ZFPM2: variants seen among roughly 807,000 people sequenced by gnomAD.
ZFPM2 encodes zinc finger protein, FOG family member 2.
In ZFPM2, 20 loss-of-function variants were observed where a neutral mutation model predicts 98.6. That is an observed-to-expected ratio of 0.20 (90% CI 0.14 to 0.29). The LOEUF (loss-of-function observed/expected upper bound fraction) is 0.29. Among genes scored for constraint, ZFPM2 ranks in the 10% least tolerant of loss-of-function variants. The pLI, the probability that ZFPM2 is intolerant of heterozygous loss-of-function variation, is 1.00. For missense variants in ZFPM2, 1,310 were observed against 1,388.6 expected, an observed-to-expected ratio of 0.94 and a Z score of 0.90; for synonymous variants, 518 against 502.7, an observed-to-expected ratio of 1.03 and a Z score of -0.41.
intron 6 of ZFPM2, chr8:105,796,664 A>G (rs1813827338): frequency 6.6e-6 from 1 of 152,150 alleles, no homozygotes; most frequent in South Asian, 2.1e-4. Flanking sequence ...CATGGGCTCC[A>G]CCAACAACCA....
At chr8:105,333,296 G>A (rs1257090250) in intron 1 of ZFPM2, among the ~76,000 whole-genome samples, 1 of 151,696 alleles carries the variant, frequency 6.6e-6, no homozygotes, top group African/African-American at 2.4e-5. Context: ...AGTGCTTTCA[G>A]TAGTTTAGTA....
At chr8:105,378,088 A>C (rs1368203642) in intron 1 of ZFPM2, among the ~76,000 whole-genome samples, 2 of 152,202 alleles carry the variant, frequency 1.3e-5, no homozygotes, top group Non-Finnish European at 2.9e-5. Flanking sequence ...TAATTAAAAA[A>C]GTATTGCTAT....
At chr8:105,698,837 C>G (rs1180350453) in intron 5 of ZFPM2, among the ~76,000 whole-genome samples, 1 of 152,166 alleles carries the variant, frequency 6.6e-6, no homozygotes, top group Non-Finnish European at 1.5e-5. Flanking sequence ...TACCTGCATA[C>G]TGATATTTTG....
At chr8:105,478,702 G>A (rs1376155913) in intron 3 of ZFPM2, among the ~76,000 whole-genome samples, 1 of 152,188 alleles carries the variant, frequency 6.6e-6, no homozygotes, top group Non-Finnish European at 1.5e-5. Flanking sequence ...TCTCTTCTCT[G>A]TAAATATTAA....
intron 4 of ZFPM2, among the ~76,000 whole-genome samples, chr8:105,611,558 G>A (rs1348718390): frequency 1.3e-5 from 2 of 152,012 alleles, no homozygotes; most frequent in Non-Finnish European, 2.9e-5. Flanking sequence ...CAAGGATCAG[G>A]GACAACAGTT....
At chr8:105,639,279 G>C (rs1469522244) in intron 5 of ZFPM2, among the ~76,000 whole-genome samples, 3 of 151,914 alleles carry the variant, frequency 2.0e-5, no homozygotes, top group African/African-American at 7.2e-5. Flanking sequence ...ACGTTTTGAG[G>C]ATATTTAAAA....
At chr8:105,772,246 G>T (rs1292969959) in intron 5 of ZFPM2, among the ~76,000 whole-genome samples, 1 of 152,154 alleles carries the variant, frequency 6.6e-6, no homozygotes, top group African/African-American at 2.4e-5. Flanking sequence ...TTTGTAATAT[G>T]CAAGGCAGAG....
chr8:105,549,905 C>A (rs1438775540), intron 3 of ZFPM2, among the ~76,000 whole-genome samples: 2 of 151,824 alleles, frequency 1.3e-5, no homozygotes, highest in East Asian at 3.9e-4. Context: ...TGAGCCATTG[C>A]ACCCAGCCTA....
At chr8:105,420,346 TAA>T (rs1811768090) in intron 2 of ZFPM2, among the ~76,000 whole-genome samples, 2 of 152,160 alleles carry the variant, frequency 1.3e-5, no homozygotes, top group Non-Finnish European at 2.9e-5. Context: ...ATTTAATCAT[TAA>T]AAGTTCCAGT....
chr8:105,798,449 CAAAAAATAAA>C (rs537923845), intron 6 of ZFPM2: 8 of 297,442 alleles, frequency 2.7e-5, no homozygotes, highest in African/African-American at 1.1e-4. Flanking sequence ...GAATCTGTCG[CAAAAAATAAA>C]ATAAAATAAA....
chr8:105,630,010 G>T (rs1015315896), intron 4 of ZFPM2, among the ~76,000 whole-genome samples: 30 of 152,152 alleles, frequency 2.0e-4, no homozygotes, highest in African/African-American at 6.5e-4. Context: ...ATATGCACAG[G>T]TTCCAGGGGT....
At position 105,497,998 on chromosome 8, in the gene ZFPM2, C is replaced by T. The variant is rs998339606; in HGVS notation, c.301+53617C>T. ...GCTAGGAGTTCAGGTCTAACCTGGG[C>T]AACATAGGGAGGCCCTCCCCGTCTC... On this transcript the variant is annotated intron_variant, in intron 3 of 7. Transcript: ENST00000407775. Among the ~76,000 whole-genome samples the T allele has an allele frequency of 1.4e-4, 15 of 109,472 alleles. 1 individual carries two copies. The highest frequency in any genetic ancestry group is 5.1e-4 in the African/African-American group (14 of 27,428). 71.8% of individuals were successfully genotyped at this position (109,472 alleles called of 152,430 possible). A position where few individuals can be genotyped will look rare whatever the true frequency, so the allele number is the denominator to read the frequency against.
chr8:105,472,470 C>T (rs1174457490), intron 3 of ZFPM2, among the ~76,000 whole-genome samples: 1 of 152,132 alleles, frequency 6.6e-6, no homozygotes. Context: ...TCACTGACCT[C>T]TGACTTCTGA....
chr8:105,350,908 C>T (rs1264764606), intron 1 of ZFPM2, among the ~76,000 whole-genome samples: 14 of 151,644 alleles, frequency 9.2e-5, no homozygotes, highest in East Asian at 1.9e-4. Context: ...ATGGGCTGGG[C>T]GTGGTGGCTC....
At chr8:105,403,041 C>G (rs2129990937) in intron 1 of ZFPM2, among the ~76,000 whole-genome samples, 1 of 151,830 alleles carries the variant, frequency 6.6e-6, no homozygotes, top group Middle Eastern at 3.4e-3. Context: ...TGGTAGAGTG[C>G]TAGTTTTGAG....
intron 4 of ZFPM2, among the ~76,000 whole-genome samples, chr8:105,607,963 C>T (rs4791860): frequency 0.32 from 48,022 of 151,744 alleles, 7,769 homozygotes; most frequent in South Asian, 0.4. Context: ...AGTGACAGAT[C>T]GGATAAAGAA....
At position 105,802,244 on chromosome 8, in the gene ZFPM2, C is replaced by T. The variant is rs1216850019; in HGVS notation, c.2162C>T (p.Ser721Phe). 2 of 1,613,910 alleles carry T rather than the reference C, an allele frequency of 1.2e-6. No individual in the cohort carries two copies. The highest frequency in any genetic ancestry group is 1.7e-6 in the Non-Finnish European group (2 of 1,179,846). Reference protein sequence around the residue: ...ATRHDPPLKRSASNKVPAMQR... With the variant: ...ATRHDPPLKRFASNKVPAMQR... ...CGCCACGACCCTCCACTGAAGAGGTCTGCTTCCAACAAAGTGCCTGCCATG... is the reference window on the plus strand; with the variant it reads ...CGCCACGACCCTCCACTGAAGAGGTTTGCTTCCAACAAAGTGCCTGCCATG... Residue 721 changes from serine (S) to phenylalanine (F), a missense_variant, in exon 8 of 8, where the codon TCT becomes TTT. By Grantham distance (155) the Ser-to-Phe change is radical (BLOSUM62 -2). Coordinates refer to ENST00000407775, the MANE Select transcript of ZFPM2 (RefSeq NM_012082.4).
At chr8:105,427,068 C>T (rs762724497) in intron 2 of ZFPM2, among the ~76,000 whole-genome samples, 4 of 152,124 alleles carry the variant, frequency 2.6e-5, no homozygotes, top group Non-Finnish European at 4.4e-5. Context: ...AGTCCCAAAA[C>T]ATAGTTTTTG....
At chr8:105,395,179 A>G (rs898449035) in intron 1 of ZFPM2, among the ~76,000 whole-genome samples, 6 of 152,286 alleles carry the variant, frequency 3.9e-5, no homozygotes, top group African/African-American at 1.4e-4. Flanking sequence ...AGAAGCTGCC[A>G]TAGTTTGTCT....
Sources: gnomAD v4.1 joint callset for allele counts (sites outside exome capture counted in the v4.1 genomes callset) on GRCh38, gnomAD v4.1.1 for gene constraint, MANE v1.5 for transcripts, NCBI Gene and HGNC (gene_info 2026-07-23, HGNC 2026-07-21) for gene names.